Variants in NAALADL2 observed in about 807,000 individuals in gnomAD.
NAALADL2 encodes the protein inactive N-acetylated-alpha-linked acidic dipeptidase-like protein 2.
A neutral mutation model predicts 87.2 loss-of-function variants in NAALADL2; 76 were observed. The ratio of observed to expected loss-of-function variants is 0.87; its 90% confidence interval spans 0.72 to 1.05. NAALADL2 has a LOEUF of 1.05. NAALADL2 is among the 50% of genes least tolerant of loss of function. The pLI is 0.00. For missense variants in NAALADL2, 1,089 were observed against 945.8 expected (o/e 1.15, Z -1.99); for synonymous variants, 354 against 331.0 (o/e 1.07, Z -0.75).
chr3:175,685,152 G>T (rs1736098654), intron 11 of NAALADL2, among the ~76,000 whole-genome samples: 2 of 152,090 alleles, frequency 1.3e-5, no homozygotes, highest in African/African-American at 4.8e-5. Context: ...CCCTCCCATA[G>T]CTCTGAAGGC....
At chr3:174,695,069 A>G (rs1475275199) in intron 2 of NAALADL2, among the ~76,000 whole-genome samples, 1 of 152,052 alleles carries the variant, frequency 6.6e-6, no homozygotes, top group Non-Finnish European at 1.5e-5. Context: ...TAAGACAGAA[A>G]GGGATTTTAT....
At position 174,713,169 on chromosome 3, in the gene NAALADL2, T is replaced by C. The variant is rs2108923288; in HGVS notation, c.-114-24472T>C. 2.0e-5 allele frequency among the ~76,000 whole-genome samples: 3 copies of C among 152,350 alleles called. No homozygotes were observed. In the South Asian group the frequency reaches 6.2e-4, roughly 32 times the overall value. ...TATGGCTGCATAGTATTCCATGGTG[T>C]ATATGTGCCACATTTTCTTAATCCA... On this transcript the variant is annotated intron_variant, in intron 2 of 3. Coordinates refer to the NAALADL2 transcript ENST00000434257.
intron 2 of NAALADL2, among the ~76,000 whole-genome samples, chr3:175,159,442 T>A (rs1580734091): frequency 6.6e-6 from 1 of 152,232 alleles, no homozygotes; most frequent in South Asian, 2.1e-4. Context: ...GAAAGAAGGG[T>A]TAAGAGTTTT....
chr3:174,701,785 T>C (rs980063050), intron 2 of NAALADL2, among the ~76,000 whole-genome samples: 1 of 152,198 alleles, frequency 6.6e-6, no homozygotes, highest in Non-Finnish European at 1.5e-5. Context: ...GTTCCTTTTT[T>C]ATTGTTGAGT....
chr3:175,170,683 T>C (rs1734678436), intron 2 of NAALADL2, among the ~76,000 whole-genome samples: 1 of 151,304 alleles, frequency 6.6e-6, no homozygotes, highest in South Asian at 2.1e-4. Context: ...CATTGGGACA[T>C]TGTTTAAATA....
chr3:174,517,582 T>G (rs1397244341), intron 1 of NAALADL2, among the ~76,000 whole-genome samples: 2 of 152,214 alleles, frequency 1.3e-5, no homozygotes, highest in East Asian at 1.9e-4. Context: ...ATTGTGTATT[T>G]GGTTCATTTT....
At chr3:174,616,449 T>C (rs1389486192) in intron 2 of NAALADL2, among the ~76,000 whole-genome samples, 1 of 152,056 alleles carries the variant, frequency 6.6e-6, no homozygotes, top group East Asian at 1.9e-4. Context: ...CAACTGTTTA[T>C]GCATCTAGTT....
rs1034462149 is a variant in NAALADL2 at position 174,657,042 on chromosome 3, T to C, written c.-114-80599T>C. ...CTCTCTCTTTTTCTTTTCCTTCTTC[T>C]TTTTTTTTTTTTTTTTTTGCTCCGT... On this transcript the variant is annotated intron_variant, in intron 2 of 3. Transcript: ENST00000434257. Among the ~76,000 whole-genome samples, 63 of 93,754 alleles carry C rather than the reference T, an allele frequency of 6.7e-4. No individual in the cohort carries two copies. The East Asian group carries it at 0.014, about 20-fold the overall frequency. 61.5% of individuals were successfully genotyped at this position (93,754 alleles called of 152,430 possible).
rs74480069 is a variant in NAALADL2 at position 175,008,117 on chromosome 3, C to T, written c.44-88673C>T. On this transcript the variant is annotated intron_variant, in intron 1 of 13. Coordinates refer to ENST00000454872, the MANE Select transcript of NAALADL2 (RefSeq NM_207015.3). ...CTTGCCCTGGGTGCAGTCTCTCATG[C>T]CTATAATCCCAGCATTTTGGGAAGC... 5.2e-3 allele frequency among the ~76,000 whole-genome samples: 795 copies of T among 152,166 alleles called. 9 individuals are homozygous for T. The highest frequency in any genetic ancestry group is 0.04 in the East Asian group (206 of 5,160).
Position 175,393,745 on chromosome 3 carries a change from G to GT in NAALADL2, c.1091-53483dup, listed in dbSNP as rs557376955. Among the ~76,000 whole-genome samples, 72 of 152,184 alleles carry GT rather than the reference G, an allele frequency of 4.7e-4. 1 individual carries two copies. In the East Asian group the frequency reaches 0.014, roughly 29 times the overall value. ...TGCTAAGAGAAAAGCTGTTATTTAC[G>GT]TAACCACAGTTAAATAATCAAAATC... On this transcript the variant is annotated intron_variant, in intron 5 of 13. Coordinates refer to ENST00000454872, the MANE Select transcript of NAALADL2 (RefSeq NM_207015.3).
intron 11 of NAALADL2, among the ~76,000 whole-genome samples, chr3:175,722,359 A>G (rs1195692784): frequency 6.6e-6 from 1 of 152,140 alleles, no homozygotes; most frequent in African/African-American, 2.4e-5. Flanking sequence ...GAGGACAAAT[A>G]AAGTTATTCC....
intron 2 of NAALADL2, among the ~76,000 whole-genome samples, chr3:174,644,822 T>A (rs1038316530): frequency 6.6e-6 from 1 of 152,216 alleles, no homozygotes; most frequent in Non-Finnish European, 1.5e-5. Flanking sequence ...GCAAAAAGAC[T>A]GTAGAACAAA....
At chr3:174,915,203 G>A (rs1734210985) in intron 1 of NAALADL2, among the ~76,000 whole-genome samples, 1 of 152,114 alleles carries the variant, frequency 6.6e-6, no homozygotes. Flanking sequence ...ATGAGTGTGG[G>A]TGGGGAGGTG....
At chr3:175,740,060 C>T (rs1446025268) in intron 12 of NAALADL2, among the ~76,000 whole-genome samples, 1 of 152,012 alleles carries the variant, frequency 6.6e-6, no homozygotes, top group African/African-American at 2.4e-5. Context: ...CTCAGGCGCT[C>T]CTTCCTTTAG....
intron 2 of NAALADL2, among the ~76,000 whole-genome samples, chr3:174,606,518 A>G (rs1441070489): frequency 1.3e-5 from 2 of 152,144 alleles, no homozygotes; most frequent in Non-Finnish European, 2.9e-5. Context: ...AACTACTTGA[A>G]GAATTCAGAA....
intron 1 of NAALADL2, among the ~76,000 whole-genome samples, chr3:174,943,383 G>T (rs1454043211): frequency 2.6e-5 from 4 of 152,128 alleles, no homozygotes; most frequent in African/African-American, 4.8e-5. Context: ...GTAGACTCTT[G>T]CTCAGTTGTG....
At chr3:175,767,659 A>G in intron 13 of NAALADL2, 1 of 152,294 alleles carries the variant, frequency 6.6e-6, no homozygotes, top group African/African-American at 2.4e-5. Context: ...GTTCCATATT[A>G]TTATAAATAA....
At chr3:175,170,828 A>T (rs1035940755) in intron 2 of NAALADL2, among the ~76,000 whole-genome samples, 4 of 151,918 alleles carry the variant, frequency 2.6e-5, no homozygotes, top group Admixed American at 2.6e-4. Context: ...TCCTATAAAG[A>T]ATATAAGGAA....
chr3:175,712,556 C>T (rs186636761), intron 11 of NAALADL2, among the ~76,000 whole-genome samples: 9 of 152,128 alleles, frequency 5.9e-5, no homozygotes, highest in African/African-American at 2.2e-4. Flanking sequence ...GGAAAAAGTA[C>T]TATCCTCTCT....
Sources: allele counts gnomAD v4.1 joint callset (sites outside exome capture counted in the v4.1 genomes callset), GRCh38; gene constraint gnomAD v4.1.1; transcripts MANE v1.5; gene names NCBI Gene and HGNC (gene_info 2026-07-23, HGNC 2026-07-21).